The following KIRREL3 variants were observed in gnomAD, a reference collection of about 807,000 sequenced individuals.
KIRREL3 encodes the protein kirre like nephrin family adhesion molecule 3.
A neutral mutation model predicts 89.7 loss-of-function variants in KIRREL3; 36 were observed. That is an observed-to-expected ratio of 0.40 (90% CI 0.31 to 0.53). KIRREL3 has a LOEUF of 0.53. Ranked by LOEUF, KIRREL3 falls within the 20% of genes least tolerant of loss-of-function variation. The probability of loss-of-function intolerance (pLI) is 0.49; values close to 1 mark genes in which losing one functional copy is unlikely to be tolerated. For missense variants in KIRREL3, 864 were observed against 1,056.6 expected, an observed-to-expected ratio of 0.82 and a Z score of 2.53; for synonymous variants, 445 against 441.4, an observed-to-expected ratio of 1.01 and a Z score of -0.10.
intron 7 of KIRREL3, among the ~76,000 whole-genome samples, chr11:126,451,048 T>C (rs1956088095): frequency 6.6e-6 from 1 of 150,688 alleles, no homozygotes; most frequent in East Asian, 2.0e-4. Flanking sequence ...TGTGTGAGCA[T>C]GTGCATGTGT....
rs58257040 is a variant in KIRREL3, at chr11:126,689,042, AAGAGAGAGAG to A, written c.56-126140_56-126131del. 4.6e-3 allele frequency among the ~76,000 whole-genome samples: 599 copies of A among 129,808 alleles called. 2 individuals carry two copies. The highest frequency in any genetic ancestry group is 0.021 in the Middle Eastern group (5 of 240). The allele number at this position is 129,808 out of a possible 152,430, so 85.2% of individuals were successfully genotyped here. On this transcript the variant is annotated intron_variant, in intron 1 of 16. Coordinates refer to ENST00000525144, the MANE Select transcript of KIRREL3 (RefSeq NM_032531.4). This position sits in a 1 kb window ranked among gnomAD's most constrained non-coding sequence, Gnocchi z 5.2. ...ATGTGTGTGTGTGTAAGGGGGAGAG[AAGAGAGAGAG>A]AGAGAGAGAGAGAGAGAGAGAGAGA... is the stretch of plus-strand genomic sequence containing the variant.
chr11:126,436,690 G>A (rs866673423), intron 12 of KIRREL3, 121 bp downstream of exon 12: 7 of 1,039,042 alleles, frequency 6.7e-6, no homozygotes, highest in South Asian at 4.4e-5. Context: ...GCCAGGAAGA[G>A]CACTGTGGCT....
At chr11:126,504,227 G>T (rs1957951752) in intron 4 of KIRREL3, among the ~76,000 whole-genome samples, 1 of 152,110 alleles carries the variant, frequency 6.6e-6, no homozygotes, top group African/African-American at 2.4e-5. Flanking sequence ...TGCTATTCCA[G>T]CCTGAGTCCC....
chr11:126,687,081 A>G lies in KIRREL3; in HGVS notation c.56-124169T>C, dbSNP rs1301558454. Among the ~76,000 whole-genome samples, 1 of 152,182 alleles carries G rather than the reference A, an allele frequency of 6.6e-6. No individual in the cohort carries two copies. The highest frequency in any genetic ancestry group is 1.9e-4 in the East Asian group (1 of 5,194). ...CAAGTGTGGTTGGGGCCAAGACCAC[A>G]ACACGTGTTCAAGGTATGTCTAAGA... On this transcript the variant is annotated intron_variant, in intron 1 of 16. Transcript: ENST00000525144. This position sits in a 1 kb window ranked among gnomAD's most constrained non-coding sequence, Gnocchi z 4.6.
At position 126,683,389 on chromosome 11, in the gene KIRREL3, A is replaced by T. The variant is rs1946544035; in HGVS notation, c.56-120477T>A. Among the ~76,000 whole-genome samples, 1 of 152,314 alleles carries T rather than the reference A, an allele frequency of 6.6e-6. No individual in the cohort carries two copies. Among genetic ancestry groups the T allele is most frequent in the Middle Eastern group, 3.4e-3 (1 of 294 alleles). On this transcript the variant is annotated intron_variant, in intron 1 of 16. Transcript: ENST00000525144. This position sits in a 1 kb window ranked among gnomAD's most constrained non-coding sequence, Gnocchi z 5.2. ...GTGGGGTCTCTGGACAGCTCCCCAG[A>T]GGGCCGTGGTCCACAAAGGGAAACA... is the stretch of plus-strand genomic sequence containing the variant.
intron 1 of KIRREL3, among the ~76,000 whole-genome samples, chr11:126,958,864 C>G (rs1407481594): frequency 1.3e-5 from 2 of 152,154 alleles, no homozygotes; most frequent in Non-Finnish European, 2.9e-5. Flanking sequence ...GTCAACTCGA[C>G]TGGGTTATAA....
At chr11:126,832,985 C>T (rs994074925) in intron 1 of KIRREL3, among the ~76,000 whole-genome samples, 1 of 152,122 alleles carries the variant, frequency 6.6e-6, no homozygotes, top group Non-Finnish European at 1.5e-5. Flanking sequence ...CAGAGAATTC[C>T]GCGTTTCAGG....
intron 1 of KIRREL3, among the ~76,000 whole-genome samples, chr11:126,720,925 C>T (rs912927233): frequency 2.6e-4 from 39 of 152,100 alleles, no homozygotes; most frequent in African/African-American, 8.0e-4. Flanking sequence ...AGGGCAGGGG[C>T]AGGGAACAAT....
chr11:126,841,636 T>C (rs1943966497), intron 1 of KIRREL3, among the ~76,000 whole-genome samples: 1 of 152,216 alleles, frequency 6.6e-6, no homozygotes, highest in South Asian at 2.1e-4. Flanking sequence ...CCATAAGTAT[T>C]TGACAAATGT....
intron 1 of KIRREL3, among the ~76,000 whole-genome samples, chr11:126,806,137 T>C (rs1301681135): frequency 6.6e-6 from 1 of 152,206 alleles, no homozygotes; most frequent in East Asian, 1.9e-4. Context: ...GGGGACTGAA[T>C]AAGATGAAAG....
intron 1 of KIRREL3, among the ~76,000 whole-genome samples, chr11:126,855,358 C>T (rs1488131958): frequency 2.0e-5 from 3 of 152,194 alleles, no homozygotes; most frequent in Non-Finnish European, 4.4e-5. Flanking sequence ...CTTCCTCCTT[C>T]TCCAGCCATC....
At chr11:126,524,553 T>C (rs1224470242) in intron 3 of KIRREL3, among the ~76,000 whole-genome samples, 2 of 152,248 alleles carry the variant, frequency 1.3e-5, no homozygotes, top group East Asian at 1.9e-4. Flanking sequence ...GCGAAGTACC[T>C]GAGCTTCTTA....
At chr11:126,586,113 C>G (rs775181463) in intron 1 of KIRREL3, among the ~76,000 whole-genome samples, 16 of 152,118 alleles carry the variant, frequency 1.1e-4, no homozygotes, top group East Asian at 1.9e-4. Context: ...CCGGACGTGG[C>G]GGCATTCAGA....
rs1949644316 is a variant in KIRREL3 at position 126,978,681 on chromosome 11, C to A, written c.55+21774G>T. ...TCTTCTCCTCATCCCGCTCTCTGCC[C>A]ATTTTCTTAGCTAATGTCCACTCTG... On this transcript the variant is annotated intron_variant, in intron 1 of 16. Transcript: ENST00000525144. The surrounding 1 kb of genome is among the most constrained non-coding windows in gnomAD (Gnocchi z 4.2). 6.6e-6 allele frequency among the ~76,000 whole-genome samples: 1 copy of A among 152,136 alleles called. No individual in the cohort carries two copies. The highest frequency in any genetic ancestry group is 2.1e-4 in the South Asian group (1 of 4,824).
rs148954302 is a variant in KIRREL3, at chr11:126,495,920, G to A, written c.434-22454C>T. The stretch of plus-strand genomic sequence containing the variant: ...CTTTCTCTCGTATCCTAATTGCTGT[G>A]GGCTCCACCTTTGAAACATGCACAG... On this transcript the variant is annotated intron_variant, in intron 4 of 16. Coordinates refer to ENST00000525144, the MANE Select transcript of KIRREL3 (RefSeq NM_032531.4). The surrounding 1 kb of genome is among the most constrained non-coding windows in gnomAD (Gnocchi z 6.5). Among the ~76,000 whole-genome samples the A allele has an allele frequency of 3.7e-4, 56 of 152,252 alleles. No homozygotes were observed. The East Asian group carries it at 0.011, about 29-fold the overall frequency.
At position 126,860,178 on chromosome 11, in the gene KIRREL3, AGCATTTGTGATGTGCCCGTTGCTG is replaced by A. The variant is rs1352139728; in HGVS notation, c.55+140253_55+140276del. The stretch of plus-strand genomic sequence containing the variant: ...ATTTCAATACAACAAACAGGTAACG[AGCATTTGTGATGTGCCCGTTGCTG>A]GTACTTGGTGCTGGGAATATAAAAG... On this transcript the variant is annotated intron_variant, in intron 1 of 16. Transcript: ENST00000525144. The surrounding 1 kb of genome is among the most constrained non-coding windows in gnomAD (Gnocchi z 4.6). 6.6e-6 allele frequency among the ~76,000 whole-genome samples: 1 copy of A among 152,202 alleles called. No homozygotes were observed. Among genetic ancestry groups the A allele is most frequent in the African/African-American group, 2.4e-5 (1 of 41,454 alleles).
intron 10 of KIRREL3, among the ~76,000 whole-genome samples, chr11:126,444,255 G>A (rs767408585): frequency 1.3e-4 from 20 of 152,204 alleles, no homozygotes; most frequent in Non-Finnish European, 4.4e-5. Flanking sequence ...ACGTGGCCTC[G>A]TGGAGACGGT....
At chr11:126,673,254 T>C (rs148234133) in intron 1 of KIRREL3, among the ~76,000 whole-genome samples, 2,405 of 152,322 alleles carry the variant, frequency 0.016, 31 homozygotes, top group South Asian at 0.02. Context: ...GCGGAGAGGT[T>C]GGTGGGTCAG....
rs865988405 is a variant in KIRREL3 at position 126,844,713 on chromosome 11, G to A, written c.55+155742C>T. Among the ~76,000 whole-genome samples the A allele has an allele frequency of 6.6e-6, 1 of 152,130 alleles. No individual in the cohort carries two copies. Among genetic ancestry groups the A allele is most frequent in the Admixed American group, 6.5e-5 (1 of 15,276 alleles). On this transcript the variant is annotated intron_variant, in intron 1 of 16. Transcript: ENST00000525144. This position sits in a 1 kb window ranked among gnomAD's most constrained non-coding sequence, Gnocchi z 4.8. ...GCTAAGAATGGGTTTGGCACTATAG[G>A]ATGTTAACTGCTATTCTCTTTGGAT...
Sources: allele counts gnomAD v4.1 joint callset (sites outside exome capture counted in the v4.1 genomes callset), GRCh38; gene constraint gnomAD v4.1.1; non-coding constraint Gnocchi (gnomAD v3.1); transcripts MANE v1.5; gene names NCBI Gene and HGNC (gene_info 2026-07-23, HGNC 2026-07-21).